Variants in RBM47 observed in about 807,000 individuals in gnomAD.
RBM47 encodes RNA-binding protein 47.
Under a neutral mutation model 47.1 loss-of-function variants are expected in RBM47, and 21 were observed. The observed-to-expected ratio is 0.45, with a 90% CI of 0.32 to 0.64. The LOEUF is 0.64. Among genes scored for constraint, RBM47 ranks in the 30% least tolerant of loss-of-function variants. The pLI, the probability that RBM47 is intolerant of heterozygous loss-of-function variation, is 0.05. For missense variants in RBM47, 708 were observed against 870.9 expected, an observed-to-expected ratio of 0.81 and a Z score of 2.35; for synonymous variants, 375 against 361.7, an observed-to-expected ratio of 1.04 and a Z score of -0.42.
chr4:40,426,309 G>C, intron 6 of RBM47, 166 bp from the exon 7 acceptor site: 1 of 848,962 alleles, frequency 1.2e-6, no homozygotes, highest in Non-Finnish European at 1.8e-6. Flanking sequence ...AGTGGGAGAA[G>C]AGCCACTGAA....
intron 1 of RBM47, among the ~76,000 whole-genome samples, chr4:40,597,674 G>A (rs1241703410): frequency 4.6e-5 from 7 of 152,128 alleles, no homozygotes; most frequent in African/African-American, 1.7e-4. Context: ...TTGATAAACT[G>A]GAAATTTTAA....
chr4:40,599,133 CT>C (rs1578044025), intron 1 of RBM47, among the ~76,000 whole-genome samples: 1 of 151,930 alleles, frequency 6.6e-6, no homozygotes, highest in East Asian at 1.9e-4. Flanking sequence ...TGGCACACCC[CT>C]GTAATCCCAG....
chr4:40,583,073 G>A (rs192557639), intron 1 of RBM47, among the ~76,000 whole-genome samples: 17 of 152,290 alleles, frequency 1.1e-4, no homozygotes, highest in African/African-American at 4.1e-4. Flanking sequence ...GGAGCTTCAA[G>A]GTTATGGGTT....
intron 2 of RBM47, among the ~76,000 whole-genome samples, chr4:40,471,839 G>T (rs1422134942): frequency 1.3e-5 from 2 of 152,074 alleles, no homozygotes; most frequent in African/African-American, 4.8e-5. Context: ...GCCTCATCTT[G>T]TGTTACTTCC....
Position 40,432,638 on chromosome 4 carries a change from A to G in RBM47, c.1542+13T>C, listed in dbSNP as rs376656036. The G allele has an allele frequency of 6.2e-7, 1 of 1,610,534 alleles. No homozygotes were observed. On this transcript the variant is annotated intron_variant, in intron 6 of 6. Transcript: ENST00000295971. ...TCACACACAAATGACAATGCCTGCA[A>G]TAAGAACTCTACCTGGAAAGGTGGT...
At chr4:40,569,633 T>C (rs1008418159) in intron 1 of RBM47, among the ~76,000 whole-genome samples, 1 of 151,640 alleles carries the variant, frequency 6.6e-6, no homozygotes, top group African/African-American at 2.4e-5. Flanking sequence ...ACGGTCTCTA[T>C]CTCCTGACCT....
chr4:40,452,140 A>C (rs1434511201), intron 3 of RBM47, among the ~76,000 whole-genome samples: 7 of 151,808 alleles, frequency 4.6e-5, no homozygotes, highest in Non-Finnish European at 1.0e-4. Flanking sequence ...ACTGCACTCC[A>C]GCCTGGGCAA....
chr4:40,533,970 C>A (rs559620009), intron 2 of RBM47, among the ~76,000 whole-genome samples: 2 of 152,148 alleles, frequency 1.3e-5, no homozygotes, highest in East Asian at 3.9e-4. Context: ...CATGCACCAC[C>A]ACGCCCGGCT....
chr4:40,534,457 T>C (rs778434031), intron 2 of RBM47, among the ~76,000 whole-genome samples: 1 of 152,138 alleles, frequency 6.6e-6, no homozygotes, highest in Non-Finnish European at 1.5e-5. Flanking sequence ...CCAATACATT[T>C]TATAATTGCA....
chr4:40,438,969 G>C, intron 3 of RBM47, 45 bp from the exon 4 acceptor site: 1 of 1,429,978 alleles, frequency 7.0e-7, no homozygotes. Flanking sequence ...GCTGGATCTT[G>C]CCTCTTTTGG....
intron 2 of RBM47, among the ~76,000 whole-genome samples, chr4:40,488,652 C>T (rs1466380751): frequency 6.6e-6 from 1 of 152,088 alleles, no homozygotes; most frequent in Non-Finnish European, 1.5e-5. Context: ...GAGGTCCACC[C>T]TGGTAGTACA....
intron 2 of RBM47, among the ~76,000 whole-genome samples, chr4:40,537,277 A>ATT (rs35048399): frequency 2.6e-4 from 39 of 149,088 alleles, no homozygotes; most frequent in African/African-American, 7.7e-4. Context: ...ATGCCCAGCT[A>ATT]TTTTTTTTTT....
chr4:40,545,427 C>T (rs6839088), intron 1 of RBM47, among the ~76,000 whole-genome samples: 1 of 147,576 alleles, frequency 6.8e-6, no homozygotes. Flanking sequence ...ACTTTGGGAG[C>T]CCGAGGCAGG....
At chr4:40,462,490 A>G (rs1026498527) in intron 3 of RBM47, among the ~76,000 whole-genome samples, 2 of 151,824 alleles carry the variant, frequency 1.3e-5, no homozygotes, top group African/African-American at 4.8e-5. Flanking sequence ...GCCACTATCT[A>G]CCCCTGCTGT....
chr4:40,584,104 C>G (rs887290035), intron 1 of RBM47, among the ~76,000 whole-genome samples: 2 of 152,082 alleles, frequency 1.3e-5, no homozygotes, highest in Non-Finnish European at 2.9e-5. Context: ...GCTGAGACTA[C>G]AGGCACGCAC....
At chr4:40,527,742 T>TTGTGTGTGTG (rs140846090) in intron 2 of RBM47, among the ~76,000 whole-genome samples, 1 of 134,494 alleles carries the variant, frequency 7.4e-6, no homozygotes, top group Non-Finnish European at 1.6e-5. Context: ...CTAGTTTTCA[T>TTGTGTGTGTG]TGTGTGTGTG....
rs149534966 is a variant in RBM47 at position 40,514,028 on chromosome 4, C to T, written c.-155+30394G>A. The stretch of plus-strand genomic sequence containing the variant: ...GCCACCGCACCCAGCCTAACCTGAC[C>T]TTTAATTTGCTGTTATCTTGTCTAA... On this transcript the variant is annotated intron_variant, in intron 2 of 6. Coordinates refer to ENST00000295971, the MANE Select transcript of RBM47 (RefSeq NM_001098634.2). Among the ~76,000 whole-genome samples, 1,029 of 151,946 alleles carry T rather than the reference C, an allele frequency of 6.8e-3. 13 individuals are homozygous for T. The highest frequency in any genetic ancestry group is 0.024 in the African/African-American group (997 of 41,478).
At chr4:40,511,223 AC>A (rs1394827663) in intron 2 of RBM47, among the ~76,000 whole-genome samples, 2 of 152,224 alleles carry the variant, frequency 1.3e-5, no homozygotes, top group Non-Finnish European at 2.9e-5. Flanking sequence ...GTTGTCACCT[AC>A]CTGTTCCTTA....
At chr4:40,589,982 A>G (rs1005988052) in intron 1 of RBM47, among the ~76,000 whole-genome samples, 10 of 149,404 alleles carry the variant, frequency 6.7e-5, no homozygotes, top group South Asian at 2.1e-4. Context: ...CGCCTATTAG[A>G]AAAAAAAAAC....
Sources: gnomAD v4.1 joint callset for allele counts (sites outside exome capture counted in the v4.1 genomes callset) on GRCh38, gnomAD v4.1.1 for gene constraint, MANE v1.5 for transcripts, NCBI Gene and HGNC (gene_info 2026-07-23, HGNC 2026-07-21) for gene names.